GABRA5: variants seen among roughly 807,000 people sequenced by gnomAD.
GABRA5 encodes the protein gamma-aminobutyric acid receptor subunit alpha-5.
Under a neutral mutation model 47.3 loss-of-function variants are expected in GABRA5, and 18 were observed. The ratio of observed to expected loss-of-function variants is 0.38; its 90% confidence interval spans 0.26 to 0.56. The LOEUF is 0.56. Ranked by LOEUF, GABRA5 falls within the 20% of genes least tolerant of loss-of-function variation. The pLI, the probability that GABRA5 is intolerant of heterozygous loss-of-function variation, is 0.71. For missense variants in GABRA5, 365 were observed against 599.3 expected (o/e 0.61, Z 4.08); for synonymous variants, 237 against 229.3 (o/e 1.03, Z -0.30).
chr15:26,868,476 A>C (rs1457150254), intron 1 of GABRA5, among the ~76,000 whole-genome samples: 1 of 152,204 alleles, frequency 6.6e-6, no homozygotes, highest in Non-Finnish European at 1.5e-5. Flanking sequence ...ATACTGAGAA[A>C]TGCGTGTTTT....
chr15:26,890,115 T>G (rs769050667), intron 6 of GABRA5, among the ~76,000 whole-genome samples: 61 of 152,204 alleles, frequency 4.0e-4, no homozygotes, highest in Non-Finnish European at 7.5e-4. Flanking sequence ...TCACGATACA[T>G]CTATTTTTTT....
chr15:26,914,204 A>G (rs1681905574), intron 6 of GABRA5, among the ~76,000 whole-genome samples: 1 of 152,158 alleles, frequency 6.6e-6, no homozygotes, highest in Non-Finnish European at 1.5e-5. Context: ...TTGTTATGAT[A>G]TTACAGGTTC....
chr15:26,888,608 C>G (rs1247647838), intron 6 of GABRA5, among the ~76,000 whole-genome samples: 3 of 152,140 alleles, frequency 2.0e-5, no homozygotes. Flanking sequence ...TCCATAGTCC[C>G]CTCCAGATAA....
intron 6 of GABRA5, among the ~76,000 whole-genome samples, chr15:26,911,368 CAT>C (rs1491223156): frequency 1.8e-4 from 23 of 124,368 alleles, no homozygotes; most frequent in South Asian, 1.0e-3. Flanking sequence ...ACCCTTGCTG[CAT>C]GCACACACAC....
At chr15:26,912,122 G>A (rs1004571809) in intron 6 of GABRA5, among the ~76,000 whole-genome samples, 3 of 152,262 alleles carry the variant, frequency 2.0e-5, no homozygotes, top group East Asian at 1.9e-4. Flanking sequence ...GGCCACAGGC[G>A]ATCGCAAAGC....
chr15:26,912,492 T>C (rs1468180630), intron 6 of GABRA5, among the ~76,000 whole-genome samples: 3 of 152,256 alleles, frequency 2.0e-5, no homozygotes, highest in African/African-American at 7.2e-5. Context: ...TTTATTTACC[T>C]TACCAATTTC....
At chr15:26,878,726 A>C (rs1296214484) in intron 3 of GABRA5, among the ~76,000 whole-genome samples, 4 of 152,248 alleles carry the variant, frequency 2.6e-5, no homozygotes, top group Non-Finnish European at 5.9e-5. Context: ...CCTCCAAGAA[A>C]AGTGTAATTA....
chr15:26,891,747 G>T (rs1229063805), intron 6 of GABRA5, among the ~76,000 whole-genome samples: 2 of 152,202 alleles, frequency 1.3e-5, no homozygotes, highest in Non-Finnish European at 2.9e-5. Context: ...TCCCTAGTGC[G>T]CAGCCAGCCT....
intron 6 of GABRA5, among the ~76,000 whole-genome samples, chr15:26,887,281 C>T (rs548390043): frequency 5.6e-4 from 85 of 151,974 alleles, no homozygotes; most frequent in South Asian, 1.5e-3. Flanking sequence ...CTAAGTAAAA[C>T]GACAAAATAT....
intron 9 of GABRA5, 58 bp from the exon 10 acceptor site, chr15:26,943,157 G>A: frequency 1.6e-6 from 2 of 1,287,714 alleles, no homozygotes; most frequent in Non-Finnish European, 2.2e-6. Context: ...CTGGGGTCCT[G>A]GGTGCCAGCA....
intron 6 of GABRA5, among the ~76,000 whole-genome samples, chr15:26,887,738 G>A (rs1892913441): frequency 1.3e-5 from 2 of 152,050 alleles, no homozygotes; most frequent in African/African-American, 4.8e-5. Flanking sequence ...ACTCCATATA[G>A]GTTATTGTAC....
At chr15:26,869,467 G>A in intron 3 of GABRA5, 133 bp downstream of exon 3, 1 of 647,242 alleles carries the variant, frequency 1.5e-6, no homozygotes, top group East Asian at 2.6e-5. Context: ...TTCACTTGTT[G>A]TAAATAAATG....
At chr15:26,935,510 C>T (rs1296397581) in intron 7 of GABRA5, among the ~76,000 whole-genome samples, 3 of 152,232 alleles carry the variant, frequency 2.0e-5, no homozygotes, top group Non-Finnish European at 4.4e-5. Flanking sequence ...GGCCTCCCCA[C>T]AGCTCTCCTT....
chr15:26,946,744 A>G (rs1240648404), intron 10 of GABRA5, among the ~76,000 whole-genome samples: 1 of 151,408 alleles, frequency 6.6e-6, no homozygotes, highest in Non-Finnish European at 1.5e-5. Flanking sequence ...CACTATTTTT[A>G]TTTCTTCCAC....
At chr15:26,889,281 C>T (rs112398057) in intron 6 of GABRA5, among the ~76,000 whole-genome samples, 82 of 152,130 alleles carry the variant, frequency 5.4e-4, no homozygotes, top group African/African-American at 1.9e-3. Context: ...TCGTGGACTT[C>T]GGAGTTAGGC....
At chr15:26,933,091 C>T (rs1894148333) in intron 7 of GABRA5, among the ~76,000 whole-genome samples, 1 of 136,162 alleles carries the variant, frequency 7.3e-6, no homozygotes, top group African/African-American at 2.8e-5. Flanking sequence ...CACATGTATC[C>T]CGGAACTTAA....
Position 26,943,413 on chromosome 15 carries a change from C to A in GABRA5, c.1076C>A (p.Ala359Glu). 1.3e-6 allele frequency: 2 copies of A among 1,588,762 alleles called. No individual in the cohort carries two copies. The highest frequency in any genetic ancestry group is 8.6e-7 in the Non-Finnish European group (1 of 1,167,370). The change falls in exon 10 of 11, where the codon GCA becomes GAA. Residue 359 changes from alanine (A) to glutamate (E), a missense_variant. Ala to Glu is a moderately radical substitution (Grantham distance 107, BLOSUM62 -1). This residue lies in a region of GABRA5 where 106 missense variants were observed against 130.3 expected (regional missense o/e 0.81). Transcript: ENST00000335625. The stretch of plus-strand genomic sequence containing the variant: ...TGGGATGGCAAAAAAGCCTTGGAAG[C>A]AGCCAAGATCAAGGTACTGACTATT... ...WAWDGKKALE[A>E]AKIKKKREVI...
chr15:26,937,413 C>G, intron 8 of GABRA5, 85 bp downstream of exon 8: 1 of 1,423,124 alleles, frequency 7.0e-7, no homozygotes, highest in Non-Finnish European at 9.3e-7. Context: ...CACCTCTCTG[C>G]AGGGGCCACG....
intron 7 of GABRA5, among the ~76,000 whole-genome samples, chr15:26,931,611 C>T (rs1275569314): frequency 6.6e-6 from 1 of 152,164 alleles, no homozygotes; most frequent in Non-Finnish European, 1.5e-5. Context: ...TGAACCATGG[C>T]CTGTTTCCAA....
Sources: allele counts gnomAD v4.1 joint callset (sites outside exome capture counted in the v4.1 genomes callset), GRCh38; gene constraint gnomAD v4.1.1; regional missense constraint gnomAD v4.1.1; transcripts MANE v1.5; gene names NCBI Gene and HGNC (gene_info 2026-07-23, HGNC 2026-07-21).